Variants in LOXL2 observed in about 807,000 individuals in gnomAD.
LOXL2 encodes the protein lysyl oxidase homolog 2.
Under a neutral mutation model 93.0 loss-of-function variants are expected in LOXL2, and 70 were observed. That is an observed-to-expected ratio of 0.75 (90% CI 0.62 to 0.92). LOXL2 has a LOEUF of 0.92. Among genes scored for constraint, LOXL2 ranks in the 40% least tolerant of loss-of-function variants. The pLI, the probability that LOXL2 is intolerant of heterozygous loss-of-function variation, is 0.00. For synonymous variants in LOXL2, 438 were observed against 413.2 expected (o/e 1.06, Z -0.73); for missense variants, 973 against 1,054.9 (o/e 0.92, Z 1.08).
intron 3 of LOXL2, among the ~76,000 whole-genome samples, chr8:23,349,802 C>G (rs1358122490): frequency 6.6e-6 from 1 of 151,894 alleles, no homozygotes; most frequent in African/African-American, 2.4e-5. Flanking sequence ...TGAGGACCCA[C>G]TATAGCCAGA....
chr8:23,380,724 A>T (rs1442628639), intron 1 of LOXL2, among the ~76,000 whole-genome samples: 14 of 152,298 alleles, frequency 9.2e-5, no homozygotes, highest in African/African-American at 3.4e-4. Flanking sequence ...TGAAAGGAAG[A>T]AAATAAGGGC....
At chr8:23,351,793 A>G (rs1804097414) in intron 3 of LOXL2, among the ~76,000 whole-genome samples, 1 of 152,146 alleles carries the variant, frequency 6.6e-6, no homozygotes, top group South Asian at 2.1e-4. Context: ...CCCTGGCTAC[A>G]TATAGACTCT....
intron 6 of LOXL2, 129 bp downstream of exon 6, chr8:23,328,252 CT>C (rs1803616312): frequency 2.2e-6 from 2 of 927,904 alleles, no homozygotes; most frequent in East Asian, 4.8e-5. Context: ...CTGGGATTCT[CT>C]CCCAGGCAGC....
intron 5 of LOXL2, chr8:23,331,771 C>T (rs1803682178): frequency 6.6e-6 from 1 of 151,830 alleles, no homozygotes; most frequent in Non-Finnish European, 1.5e-5. Flanking sequence ...CCAGTGGGCT[C>T]ACATCTGTAA....
Position 23,298,856 on chromosome 8 carries a change from C to T in LOXL2, c.2225G>A (p.Trp742Ter), listed in dbSNP as rs1725939263. The change falls in exon 13 of 14, where the codon TGG becomes TAG. Residue 742 changes from tryptophan to a stop codon, truncating the protein, a stop_gained. Coordinates refer to ENST00000389131, the MANE Select transcript of LOXL2 (RefSeq NM_002318.3). LOFTEE classifies it high-confidence loss of function. The stretch of plus-strand genomic sequence containing the variant: ...CTTACCTATGTGGCAGTTGTACATC[C>T]AGATGCGGTGGCCGTCATAGCGGCT... ...CRSRYDGHRI[W>*]MYNCHIGGSF... 1 of 1,613,242 alleles carries T rather than the reference C, an allele frequency of 6.2e-7. No homozygotes were observed. Among genetic ancestry groups the T allele is most frequent in the African/African-American group, 1.3e-5 (1 of 75,020 alleles).
At chr8:23,339,899 C>T (rs887267143) in intron 4 of LOXL2, among the ~76,000 whole-genome samples, 3 of 152,166 alleles carry the variant, frequency 2.0e-5, no homozygotes, top group Non-Finnish European at 4.4e-5. Context: ...AATTATGGCC[C>T]ACCCCGTCCA....
intron 10 of LOXL2, among the ~76,000 whole-genome samples, chr8:23,305,437 G>A (rs1038724087): frequency 1.3e-5 from 2 of 152,122 alleles, no homozygotes; most frequent in African/African-American, 2.4e-5. Context: ...CCTCTTAGGC[G>A]TATGCGGTCA....
intron 9 of LOXL2, 69 bp from the exon 10 acceptor site, chr8:23,309,980 G>GTTTTTTA: frequency 7.2e-7 from 1 of 1,393,646 alleles, no homozygotes; most frequent in Non-Finnish European, 9.4e-7. Flanking sequence ...TCTGATTCTT[G>GTTTTTTA]AGCTGGGACA....
At chr8:23,351,984 G>A (rs1338744201) in intron 3 of LOXL2, among the ~76,000 whole-genome samples, 3 of 152,158 alleles carry the variant, frequency 2.0e-5, no homozygotes, top group African/African-American at 7.2e-5. Context: ...CTAATTTTTT[G>A]TATTTTTAGT....
At chr8:23,347,926 T>G (rs1804020720) in intron 3 of LOXL2, among the ~76,000 whole-genome samples, 2 of 152,194 alleles carry the variant, frequency 1.3e-5, no homozygotes, top group Admixed American at 6.5e-5. Flanking sequence ...GCAGCACTAT[T>G]CACAATAGCA....
intron 5 of LOXL2, 144 bp from the exon 6 acceptor site, chr8:23,328,709 A>ATATGTG (rs1554477862): frequency 3.5e-5 from 16 of 460,372 alleles, no homozygotes; most frequent in Non-Finnish European, 3.9e-6. Flanking sequence ...TGATGTATGG[A>ATATGTG]TGTGTGTGTG....
intron 3 of LOXL2, among the ~76,000 whole-genome samples, chr8:23,350,657 C>T (rs1804076821): frequency 6.6e-6 from 1 of 152,214 alleles, no homozygotes; most frequent in African/African-American, 2.4e-5. Flanking sequence ...TCAACAATTT[C>T]TGTTCCTCAG....
At chr8:23,328,799 A>C (rs1803630464) in intron 5 of LOXL2, 1 of 501,884 alleles carries the variant, frequency 2.0e-6, no homozygotes, top group Non-Finnish European at 3.6e-6. Context: ...CTCTGGTGCA[A>C]GCTCCCTTTG....
chr8:23,302,504 G>C (rs150148492), intron 11 of LOXL2, among the ~76,000 whole-genome samples: 2 of 151,856 alleles, frequency 1.3e-5, no homozygotes, highest in Admixed American at 6.6e-5. Flanking sequence ...AGCAAAACGT[G>C]GGGGGTCATA....
intron 2 of LOXL2, 115 bp from the exon 3 acceptor site, chr8:23,360,380 G>A: frequency 2.9e-6 from 2 of 692,248 alleles, no homozygotes; most frequent in South Asian, 3.9e-5. Context: ...TGGCAGCTGT[G>A]TGTGGCCATC....
chr8:23,347,057 G>A (rs918719002), intron 3 of LOXL2, among the ~76,000 whole-genome samples: 1 of 152,070 alleles, frequency 6.6e-6, no homozygotes, highest in Non-Finnish European at 1.5e-5. Context: ...GGTGACTCAC[G>A]CCTCTAATCC....
chr8:23,307,623 T>C (rs1451882465), intron 10 of LOXL2, among the ~76,000 whole-genome samples: 1 of 152,110 alleles, frequency 6.6e-6, no homozygotes, highest in Non-Finnish European at 1.5e-5. Flanking sequence ...GGCTGCCATA[T>C]GCAGGGCTGG....
intron 1 of LOXL2, among the ~76,000 whole-genome samples, chr8:23,377,151 A>G (rs1237692345): frequency 1.3e-5 from 2 of 152,084 alleles, no homozygotes; most frequent in South Asian, 2.1e-4. Context: ...CTTTGTTCTC[A>G]TTGGTTTCAA....
At chr8:23,310,096 G>C (rs13276054) in intron 9 of LOXL2, among the ~76,000 whole-genome samples, 185 bp from the exon 10 acceptor site, 83,523 of 152,090 alleles carry the variant, frequency 0.55, 25,740 homozygotes, top group Middle Eastern at 0.7. Context: ...TCTGCTGTGA[G>C]TCCTCTTTGA....
Sources: gnomAD v4.1 joint callset for allele counts (sites outside exome capture counted in the v4.1 genomes callset) on GRCh38, gnomAD v4.1.1 for gene constraint, MANE v1.5 for transcripts, NCBI Gene and HGNC (gene_info 2026-07-23, HGNC 2026-07-21) for gene names.